ARK2N: variants seen among roughly 807,000 people sequenced by gnomAD.
ARK2N encodes protein ARK2N.
At chr18:46,197,088 G>C in the ARK2N span, among the ~76,000 whole-genome samples, 1 of 152,154 alleles carries the variant, frequency 6.6e-6, no homozygotes, top group East Asian at 1.9e-4. Flanking sequence ...GCCTGCATTC[G>C]AGGGAGGAGA....
the ARK2N span, among the ~76,000 whole-genome samples, chr18:46,259,876 TCCTCCC>T: frequency 2.2e-4 from 32 of 142,324 alleles, 1 homozygote; most frequent in Non-Finnish European, 2.5e-4. Flanking sequence ...GCTCAAGTGA[TCCTCCC>T]GTCTGTGTGT....
the ARK2N span, chr18:46,264,992 G>A: frequency 1.3e-5 from 2 of 152,376 alleles, no homozygotes; most frequent in African/African-American, 2.4e-5. Context: ...TCTCTCACAT[G>A]GCCACAATTC....
the ARK2N span, among the ~76,000 whole-genome samples, chr18:46,222,522 C>G: frequency 6.6e-6 from 1 of 152,116 alleles, no homozygotes. Flanking sequence ...TATCCTTTGG[C>G]AATTTCTCAT....
At chr18:46,208,937 T>C in the ARK2N span, among the ~76,000 whole-genome samples, 3 of 152,210 alleles carry the variant, frequency 2.0e-5, no homozygotes, top group African/African-American at 7.2e-5. Flanking sequence ...GCTAAAAATA[T>C]TAGCCTGTAT....
chr18:46,245,173 C>T, the ARK2N span, among the ~76,000 whole-genome samples: 1 of 151,664 alleles, frequency 6.6e-6, no homozygotes, highest in East Asian at 2.0e-4. Context: ...CTCAAGTAAT[C>T]TGCCCACTTC....
the ARK2N span, chr18:46,228,722 A>T: frequency 5.0e-6 from 2 of 398,162 alleles, no homozygotes; most frequent in Non-Finnish European, 8.9e-6. Context: ...AATAGGTGGG[A>T]CTAGCACCTG....
At chr18:46,266,780 A>C in the ARK2N span, 1 of 152,604 alleles carries the variant, frequency 6.6e-6, no homozygotes, top group African/African-American at 2.4e-5. Context: ...GTGCAACTCT[A>C]GTTTTTAAAA....
chr18:46,241,110 G>T, the ARK2N span, among the ~76,000 whole-genome samples: 76 of 152,294 alleles, frequency 5.0e-4, no homozygotes, highest in Middle Eastern at 3.4e-3. Flanking sequence ...ACAAAAAAAT[G>T]AGTTATAGTT....
At chr18:46,197,731 ACT>A in the ARK2N span, among the ~76,000 whole-genome samples, 1,937 of 152,080 alleles carry the variant, frequency 0.013, 53 homozygotes, top group African/African-American at 0.045. Context: ...ACATCTGTAG[ACT>A]CTCTTTTCAA....
At chr18:46,210,153 T>C in the ARK2N span, among the ~76,000 whole-genome samples, 1 of 152,218 alleles carries the variant, frequency 6.6e-6, no homozygotes, top group African/African-American at 2.4e-5. Context: ...GGAGAAAGAC[T>C]GAGTTTGAAG....
At chr18:46,179,622 T>G in the ARK2N span, among the ~76,000 whole-genome samples, 501 of 150,670 alleles carry the variant, frequency 3.3e-3, 3 homozygotes, top group African/African-American at 0.012. Context: ...TTTTTAAAGT[T>G]ATCTTTTTTT....
At chr18:46,201,153 A>C in the ARK2N span, among the ~76,000 whole-genome samples, 1 of 151,584 alleles carries the variant, frequency 6.6e-6, no homozygotes, top group Non-Finnish European at 1.5e-5. Context: ...TAATTTTCAA[A>C]ATATTTTTTT....
chr18:46,191,074 T>C, the ARK2N span, among the ~76,000 whole-genome samples: 3 of 152,192 alleles, frequency 2.0e-5, no homozygotes, highest in Non-Finnish European at 4.4e-5. Flanking sequence ...GTACTGGCTC[T>C]GTGTACTGCT....
At chr18:46,219,241 C>G in the ARK2N span, 3 of 152,032 alleles carry the variant, frequency 2.0e-5, no homozygotes, top group East Asian at 5.8e-4. Context: ...TGACAGGCAG[C>G]TTAGTATCGG....
chr18:46,224,721 T>C, the ARK2N span, among the ~76,000 whole-genome samples: 1 of 152,180 alleles, frequency 6.6e-6, no homozygotes, highest in African/African-American at 2.4e-5. Context: ...GTAGATAAAT[T>C]AAAGCTATGA....
the ARK2N span, among the ~76,000 whole-genome samples, chr18:46,252,419 G>GGC: frequency 6.6e-6 from 1 of 151,864 alleles, no homozygotes; most frequent in East Asian, 2.0e-4. Context: ...TGGGACTACA[G>GGC]GCATGCCACC....
At chr18:46,184,598 T>G in the ARK2N span, among the ~76,000 whole-genome samples, 1 of 152,118 alleles carries the variant, frequency 6.6e-6, no homozygotes. Flanking sequence ...GGCATGCGGC[T>G]GTAGTCCCAG....
chr18:46,192,487 G>T, the ARK2N span, among the ~76,000 whole-genome samples: 10 of 152,054 alleles, frequency 6.6e-5, 1 homozygote, highest in East Asian at 1.6e-3. Flanking sequence ...TGAGGCAGAA[G>T]AATTGCTTGA....
chr18:46,218,939 T>G, the ARK2N span: 2 of 152,244 alleles, frequency 1.3e-5, no homozygotes, highest in Admixed American at 6.5e-5. Flanking sequence ...ATTATTGCCA[T>G]ACTCTTTCAT....
Sources: allele counts gnomAD v4.1 joint callset (sites outside exome capture counted in the v4.1 genomes callset), GRCh38; gene constraint gnomAD v4.1.1; transcripts MANE v1.5; gene names NCBI Gene and HGNC (gene_info 2026-07-23, HGNC 2026-07-21).